The following UNC80 variants were observed in gnomAD, a reference collection of about 807,000 sequenced individuals.
UNC80 encodes the protein protein unc-80 homolog.
UNC80 carries 164 observed loss-of-function variants against 384.6 expected under a neutral mutation model. The ratio of observed to expected loss-of-function variants is 0.43; its 90% confidence interval spans 0.38 to 0.49. UNC80 has a LOEUF of 0.49. UNC80 is among the 20% of genes least tolerant of loss of function. UNC80 has a pLI of 0.00. For missense variants in UNC80, 3,330 were observed against 4,143.0 expected (o/e 0.80, Z 5.39); for synonymous variants, 1,486 against 1,527.8 (o/e 0.97, Z 0.64).
chr2:209,780,572 T>A (rs1291895266), intron 4 of UNC80, among the ~76,000 whole-genome samples: 7 of 152,152 alleles, frequency 4.6e-5, no homozygotes, highest in Non-Finnish European at 8.8e-5. Flanking sequence ...TGGGACACTG[T>A]CCTATGCATT....
In UNC80 at chr2:209,977,020, C is replaced by G; in HGVS notation, c.8880C>G (p.Leu2960=). ...CACGCCCTTTGTGTAAGAGCTCGCT[C>G]ATTGCTGAGTTCAACAGTGAACTAA... ...FIPRPLCKSS[L]IAEFNSELKI... is the part of the protein sequence containing the mutation. The change falls in exon 58 of 65, where the codon CTC becomes CTG. Residue 2960 remains leucine, a synonymous_variant. Coordinates refer to ENST00000673920, the MANE Select transcript of UNC80 (RefSeq NM_001371986.1). The G allele has an allele frequency of 6.5e-7, 1 of 1,538,130 alleles. No homozygotes were observed. Among genetic ancestry groups the G allele is most frequent in the Non-Finnish European group, 8.8e-7 (1 of 1,135,696 alleles).
chr2:209,921,011 A>G (rs1252676397), intron 33 of UNC80, among the ~76,000 whole-genome samples: 3 of 152,074 alleles, frequency 2.0e-5, no homozygotes, highest in African/African-American at 7.2e-5. Context: ...TATTTTTAGT[A>G]GAGATGGGGT....
chr2:209,809,187 A>G (rs1444865096), intron 7 of UNC80: 8 of 652,150 alleles, frequency 1.2e-5, no homozygotes, highest in Admixed American at 2.3e-5. Context: ...GCTTGGGCCA[A>G]GTGTGCAAGC....
chr2:209,974,771 C>A (rs560701003), intron 56 of UNC80, among the ~76,000 whole-genome samples: 3 of 152,202 alleles, frequency 2.0e-5, no homozygotes, highest in Non-Finnish European at 4.4e-5. Flanking sequence ...TAGAATGAGT[C>A]TCTGTTCTTG....
chr2:209,783,878 A>G (rs545939665), intron 4 of UNC80, among the ~76,000 whole-genome samples: 11 of 152,194 alleles, frequency 7.2e-5, no homozygotes, highest in Non-Finnish European at 1.3e-4. Context: ...GCTTCTACAT[A>G]CAATACCATG....
rs202057181 is a variant in UNC80, at chr2:209,773,094, T to G, written c.93T>G (p.Ser31Arg). ...PIQTFLWRQTSAFLRPKLGKQ... is the reference protein window; with the variant it reads ...PIQTFLWRQTRAFLRPKLGKQ... ...ACAAATATCTCTATTAATTTTTCAG[T>G]GCATTTTTGAGGCCCAAACTGGGGA... The change falls in exon 2 of 65, where the codon AGT becomes AGG. Residue 31 changes from serine to arginine, a missense_variant and splice_region_variant. Ser to Arg is a moderately radical substitution (Grantham distance 110). Transcript: ENST00000673920. 114 of 1,611,260 alleles carry G rather than the reference T, an allele frequency of 7.1e-5. No homozygotes were observed.
rs1575269739 is a variant in UNC80 at position 209,996,895 on chromosome 2, T to A, written c.*1300T>A. On this transcript the variant is annotated 3_prime_UTR_variant, in exon 65 of 65. Coordinates refer to ENST00000673920, the MANE Select transcript of UNC80 (RefSeq NM_001371986.1). ...ATTGGTACGGTGGTGTATGTGTGCG[T>A]GCGTGTGTGTGTGTATGTGTTGTAG... is the stretch of plus-strand genomic sequence containing the variant. 5 of 152,254 alleles carry A rather than the reference T, an allele frequency of 3.3e-5. No individual in the cohort carries two copies. Among genetic ancestry groups the A allele is most frequent in the Admixed American group, 3.3e-4 (5 of 15,282 alleles). 9.4% of individuals were successfully genotyped at this position (152,254 alleles called of 1,614,324 possible). A position where few individuals can be genotyped will look rare whatever the true frequency, so the allele number is the denominator to read the frequency against.
At chr2:209,824,277 A>C (rs2080348025) in intron 13 of UNC80, among the ~76,000 whole-genome samples, 1 of 152,136 alleles carries the variant, frequency 6.6e-6, no homozygotes, top group Non-Finnish European at 1.5e-5. Context: ...GGGTCCCTGG[A>C]AACAGGCTCC....
intron 39 of UNC80, 53 bp from the exon 40 acceptor site, chr2:209,935,661 A>G: frequency 1.0e-6 from 1 of 978,434 alleles, no homozygotes; most frequent in Non-Finnish European, 1.4e-6. Flanking sequence ...ATGCTTTAAA[A>G]TACAAATTTT....
chr2:209,913,582 C>A (rs889986150), intron 30 of UNC80, among the ~76,000 whole-genome samples: 1 of 152,052 alleles, frequency 6.6e-6, no homozygotes, highest in Admixed American at 6.6e-5. Context: ...GTGGTGAAAA[C>A]GTCATAAAAT....
chr2:209,817,234 A>C, intron 10 of UNC80, 109 bp downstream of exon 10: 1 of 1,066,730 alleles, frequency 9.4e-7, no homozygotes, highest in Non-Finnish European at 1.3e-6. Context: ...CAGCCAAGAA[A>C]TTTGGGGCTC....
intron 33 of UNC80, among the ~76,000 whole-genome samples, chr2:209,920,942 C>T (rs1397532380): frequency 2.6e-5 from 4 of 152,098 alleles, no homozygotes; most frequent in Non-Finnish European, 5.9e-5. Flanking sequence ...ATTCTCATGC[C>T]TCAGCCTCCT....
intron 61 of UNC80, among the ~76,000 whole-genome samples, chr2:209,987,669 C>CT (rs1330964549): frequency 6.6e-6 from 1 of 151,896 alleles, no homozygotes; most frequent in Non-Finnish European, 1.5e-5. Flanking sequence ...ACAGTCAACT[C>CT]TAATTTTTTT....
At chr2:209,807,382 T>A (rs1245204837) in intron 7 of UNC80, among the ~76,000 whole-genome samples, 1 of 91,866 alleles carries the variant, frequency 1.1e-5, no homozygotes, top group African/African-American at 4.1e-5. Flanking sequence ...TTTTTTTTTT[T>A]GAGACGGAGT....
At chr2:209,806,474 G>A (rs778292447) in intron 7 of UNC80, among the ~76,000 whole-genome samples, 45 of 152,314 alleles carry the variant, frequency 3.0e-4, no homozygotes, top group Middle Eastern at 3.4e-3. Flanking sequence ...ACACCCACAT[G>A]TGTTAATTAG....
intron 42 of UNC80, among the ~76,000 whole-genome samples, chr2:209,938,882 G>T (rs941012107): frequency 6.6e-6 from 1 of 152,110 alleles, no homozygotes; most frequent in Non-Finnish European, 1.5e-5. Flanking sequence ...TGGCTCAGAA[G>T]TTTCCTCAGT....
Position 209,904,885 on chromosome 2 carries a change from C to G in UNC80, c.4702C>G (p.Leu1568Val). ...CARLVRAIKL[L>V]YGDSVDSLRE... Reference sequence around the variant, plus strand: ...CCGACTGGTCAGAGCCATCAAGCTACTCTATGGAGACAGTGTGGACTCCCT... The same window carrying G: ...CCGACTGGTCAGAGCCATCAAGCTAGTCTATGGAGACAGTGTGGACTCCCT... Residue 1568 changes from leucine to valine, a missense_variant, in exon 29 of 65, where the codon CTC becomes GTC. This residue lies in a region of UNC80 where 801 missense variants were observed against 950.8 expected (regional missense o/e 0.84). Coordinates refer to ENST00000673920, the MANE Select transcript of UNC80 (RefSeq NM_001371986.1). 1 of 1,551,874 alleles carries G rather than the reference C, an allele frequency of 6.4e-7. No individual in the cohort carries two copies.
chr2:209,940,713 G>A (rs929291964), intron 43 of UNC80, among the ~76,000 whole-genome samples: 1 of 151,868 alleles, frequency 6.6e-6, no homozygotes, highest in African/African-American at 2.4e-5. Flanking sequence ...GCTACTCAGG[G>A]GTCTGAAGCA....
At chr2:209,935,575 A>T in intron 39 of UNC80, 139 bp from the exon 40 acceptor site, 1 of 353,142 alleles carries the variant, frequency 2.8e-6, no homozygotes, top group Non-Finnish European at 5.1e-6. Context: ...AATAAATAAA[A>T]TATATATGTA....
Sources: allele counts gnomAD v4.1 joint callset (sites outside exome capture counted in the v4.1 genomes callset), GRCh38; gene constraint gnomAD v4.1.1; regional missense constraint gnomAD v4.1.1; transcripts MANE v1.5; gene names NCBI Gene and HGNC (gene_info 2026-07-23, HGNC 2026-07-21).